The following EPB41L2 variants were observed in gnomAD, a reference collection of about 807,000 sequenced individuals.
The protein encoded by EPB41L2 is band 4.1-like protein 2.
Under a neutral mutation model 113.0 loss-of-function variants are expected in EPB41L2, and 43 were observed. The ratio of observed to expected loss-of-function variants is 0.38; its 90% CI spans 0.30 to 0.49. The LOEUF is 0.49. Among genes scored for constraint, EPB41L2 ranks in the 20% least tolerant of loss-of-function variants. The pLI is 0.95. For synonymous variants in EPB41L2, 442 were observed against 436.7 expected, an observed-to-expected ratio of 1.01 and a Z score of -0.15; for missense variants, 1,147 against 1,223.4, an observed-to-expected ratio of 0.94 and a Z score of 0.93.
intron 1 of EPB41L2, among the ~76,000 whole-genome samples, chr6:131,051,452 C>CAAAAAAA (rs547631535): frequency 2.0e-5 from 2 of 101,794 alleles, no homozygotes; most frequent in African/African-American, 4.7e-5. Context: ...AAAAGTAAAG[C>CAAAAAAA]AAAAAAAAAA....
At chr6:130,858,307 A>AAC (rs142817139) in intron 18 of EPB41L2, 64 bp from the exon 19 acceptor site, 127 of 1,263,626 alleles carry the variant, frequency 1.0e-4, no homozygotes, top group Non-Finnish European at 1.2e-4. Context: ...ACAATGGCAA[A>AAC]ACACACACAC....
At chr6:130,969,427 T>C (rs572113556) in intron 1 of EPB41L2, among the ~76,000 whole-genome samples, 46 of 152,322 alleles carry the variant, frequency 3.0e-4, no homozygotes, top group Admixed American at 2.1e-3. Flanking sequence ...GCTAGACTGT[T>C]AGATTATATA....
chr6:130,930,955 A>G (rs1806622694), intron 3 of EPB41L2, among the ~76,000 whole-genome samples: 1 of 152,186 alleles, frequency 6.6e-6, no homozygotes, highest in African/African-American at 2.4e-5. Context: ...TATAATCCAA[A>G]TGGACAGGAT....
chr6:131,020,743 C>T (rs762864179), intron 1 of EPB41L2, among the ~76,000 whole-genome samples: 1 of 152,176 alleles, frequency 6.6e-6, no homozygotes, highest in Non-Finnish European at 1.5e-5. Flanking sequence ...CATGAGTCTT[C>T]GGCTCTTCAG....
chr6:130,967,334 G>A (rs1375589045), intron 1 of EPB41L2, among the ~76,000 whole-genome samples: 3 of 152,172 alleles, frequency 2.0e-5, no homozygotes, highest in Admixed American at 6.5e-5. Context: ...GACCTATGCA[G>A]TGTGGGCTCA....
chr6:131,001,854 TC>T lies in EPB41L2; in HGVS notation c.-14-45356del, dbSNP rs544310912. On this transcript the variant is annotated intron_variant, in intron 1 of 19. Transcript: ENST00000337057. ...TTGCCCCCATGCCAGCTTCAATTCT[TC>T]CCTCAAGATAAAGAAAGCCGAGAAA... Among the ~76,000 whole-genome samples, 1,309 of 152,290 alleles carry T rather than the reference TC, an allele frequency of 8.6e-3. 10 individuals carry two copies. The highest frequency in any genetic ancestry group is 0.021 in the South Asian group (102 of 4,824).
chr6:131,018,145 C>A (rs1788659664), intron 1 of EPB41L2, among the ~76,000 whole-genome samples: 1 of 152,160 alleles, frequency 6.6e-6, no homozygotes, highest in Non-Finnish European at 1.5e-5. Flanking sequence ...GGCTGTTGTA[C>A]ACAGTCAAGG....
chr6:130,952,448 G>A (rs1033388715), intron 3 of EPB41L2, among the ~76,000 whole-genome samples: 1 of 151,600 alleles, frequency 6.6e-6, no homozygotes, highest in African/African-American at 2.4e-5. Flanking sequence ...CAGTCTAAAT[G>A]AATAGATTTA....
At chr6:130,977,546 G>T (rs189285839) in intron 1 of EPB41L2, among the ~76,000 whole-genome samples, 47 of 151,798 alleles carry the variant, frequency 3.1e-4, no homozygotes, top group Admixed American at 2.0e-3. Flanking sequence ...AAACAAAACA[G>T]CCCTAAGACT....
chr6:130,885,481 A>C (rs1410199236), intron 11 of EPB41L2, among the ~76,000 whole-genome samples: 1 of 152,178 alleles, frequency 6.6e-6, no homozygotes, highest in Non-Finnish European at 1.5e-5. Context: ...TAATGCACTG[A>C]GCTACACCAG....
At chr6:131,004,464 T>C (rs1035762724) in intron 1 of EPB41L2, among the ~76,000 whole-genome samples, 1 of 152,222 alleles carries the variant, frequency 6.6e-6, no homozygotes, top group African/African-American at 2.4e-5. Context: ...GGAGTATTAA[T>C]TCCCTAGGCC....
At chr6:131,047,860 G>A (rs925885499) in intron 1 of EPB41L2, among the ~76,000 whole-genome samples, 1 of 152,092 alleles carries the variant, frequency 6.6e-6, no homozygotes, top group African/African-American at 2.4e-5. Context: ...AAGAAAAATC[G>A]GCTGGGCGCG....
intron 1 of EPB41L2, among the ~76,000 whole-genome samples, chr6:131,042,170 A>AT (rs201737203): frequency 2.6e-5 from 4 of 152,130 alleles, no homozygotes; most frequent in African/African-American, 4.8e-5. Context: ...TATAAAAAGT[A>AT]TTTTTTTAAA....
At chr6:130,978,533 G>A (rs1778664161) in intron 1 of EPB41L2, 1 of 152,168 alleles carries the variant, frequency 6.6e-6, no homozygotes, top group African/African-American at 2.4e-5. Context: ...GTGCCAAGAT[G>A]TTCTCAATCC....
chr6:130,920,754 C>T (rs1015922034), intron 4 of EPB41L2, among the ~76,000 whole-genome samples: 6 of 152,132 alleles, frequency 3.9e-5, no homozygotes, highest in Admixed American at 3.9e-4. Flanking sequence ...AACTGATCCT[C>T]CCGCCTGGGC....
intron 19 of EPB41L2, among the ~76,000 whole-genome samples, chr6:130,850,469 C>T (rs77341442): frequency 0.028 from 4,233 of 151,956 alleles, 198 homozygotes; most frequent in African/African-American, 0.096. Flanking sequence ...GATGAGGTAA[C>T]GACAAGGACC....
chr6:130,944,054 T>C (rs1201534117), intron 3 of EPB41L2, among the ~76,000 whole-genome samples: 1 of 152,096 alleles, frequency 6.6e-6, no homozygotes, highest in Non-Finnish European at 1.5e-5. Flanking sequence ...GCCTTTGAAG[T>C]ATTTATATAA....
At chr6:131,044,200 A>AT (rs1215400368) in intron 1 of EPB41L2, among the ~76,000 whole-genome samples, 3 of 151,614 alleles carry the variant, frequency 2.0e-5, no homozygotes, top group Non-Finnish European at 4.4e-5. Context: ...TTTACTTTGT[A>AT]TTTTTTGTAG....
At chr6:130,899,427 G>A (rs1300820292) in intron 8 of EPB41L2, 64 bp downstream of exon 8, 2 of 1,301,630 alleles carry the variant, frequency 1.5e-6, no homozygotes, top group Non-Finnish European at 2.2e-6. Flanking sequence ...CCTGAAACTG[G>A]AGCCCTCTCA....
Sources: allele counts gnomAD v4.1 joint callset (sites outside exome capture counted in the v4.1 genomes callset), GRCh38; gene constraint gnomAD v4.1.1; transcripts MANE v1.5; gene names NCBI Gene and HGNC (gene_info 2026-07-23, HGNC 2026-07-21).